The following PRORP variants were observed in gnomAD, a reference collection of about 807,000 sequenced individuals.
PRORP encodes the protein mitochondrial ribonuclease P catalytic subunit.
Under a neutral mutation model 59.4 loss-of-function variants are expected in PRORP, and 51 were observed. The observed-to-expected ratio is 0.86, with a 90% CI of 0.69 to 1.08. The LOEUF (loss-of-function observed/expected upper bound fraction) is 1.08, where lower values mean the gene tolerates loss of function less well. Ranked by LOEUF, PRORP falls within the 50% of genes least tolerant of loss-of-function variation. The pLI is 0.00. For missense variants in PRORP, 646 were observed against 690.3 expected (o/e 0.94, Z 0.72); for synonymous variants, 231 against 245.6 (o/e 0.94, Z 0.55).
intron 5 of PRORP, among the ~76,000 whole-genome samples, chr14:35,241,397 G>T (rs1304693173): frequency 2.0e-5 from 3 of 151,774 alleles, no homozygotes; most frequent in African/African-American, 7.3e-5. Flanking sequence ...AAAAGTATAC[G>T]AGGATGGCAA....
chr14:35,262,665 G>A (rs905074336), intron 5 of PRORP: 62 of 776,662 alleles, frequency 8.0e-5, no homozygotes, highest in Middle Eastern at 7.0e-4. Context: ...ACTGGCTGCC[G>A]TTCAGACTAT....
chr14:35,157,616 CT>C (rs1429298695), intron 4 of PRORP, among the ~76,000 whole-genome samples: 1 of 152,094 alleles, frequency 6.6e-6, no homozygotes, highest in Non-Finnish European at 1.5e-5. Context: ...TCTCGAACTC[CT>C]GACCTCAAGT....
intron 5 of PRORP, chr14:35,262,383 C>A: frequency 3.6e-6 from 1 of 278,906 alleles, no homozygotes. Context: ...TATTACTAGC[C>A]CAACTTTTAA....
intron 4 of PRORP, among the ~76,000 whole-genome samples, chr14:35,148,283 A>G (rs1455333153): frequency 6.6e-6 from 1 of 152,164 alleles, no homozygotes; most frequent in Non-Finnish European, 1.5e-5. Context: ...AGTCGAATTT[A>G]CTCTTTTATC....
rs548263555 is a variant in PRORP, at chr14:35,271,322, C to G, written c.1620+726C>G. 1.7e-3 allele frequency among the ~76,000 whole-genome samples: 259 copies of G among 151,706 alleles called. 1 individual carries two copies. Among genetic ancestry groups the G allele is most frequent in the Non-Finnish European group, 1.7e-3 (114 of 67,912 alleles). ...TATGGGCACATGCCACCACGCCGAGCTAATTTTTGTATTTTTAGTAGAGGT... is the reference window on the plus strand; with the variant it reads ...TATGGGCACATGCCACCACGCCGAGGTAATTTTTGTATTTTTAGTAGAGGT... On this transcript the variant is annotated intron_variant, in intron 7 of 7. Transcript: ENST00000534898.
At chr14:35,189,195 G>A (rs947705307) in intron 5 of PRORP, among the ~76,000 whole-genome samples, 1 of 151,976 alleles carries the variant, frequency 6.6e-6, no homozygotes, top group African/African-American at 2.4e-5. Context: ...TACTTTTCTT[G>A]TAGATGTTTT....
intron 5 of PRORP, among the ~76,000 whole-genome samples, chr14:35,198,788 C>A (rs2049069165): frequency 1.3e-5 from 2 of 152,172 alleles, no homozygotes; most frequent in South Asian, 4.1e-4. Flanking sequence ...AATCCCAGCA[C>A]TTTGGGAGGC....
At chr14:35,226,003 C>T (rs2049925113) in intron 5 of PRORP, among the ~76,000 whole-genome samples, 1 of 152,176 alleles carries the variant, frequency 6.6e-6, no homozygotes, top group Admixed American at 6.5e-5. Context: ...TTCTGGTGAC[C>T]TAGTGATACC....
chr14:35,209,585 T>C (rs931684967), intron 5 of PRORP, among the ~76,000 whole-genome samples: 5 of 152,236 alleles, frequency 3.3e-5, no homozygotes, highest in African/African-American at 1.2e-4. Context: ...AGGGTCTCGC[T>C]CTGTTGCCCA....
At chr14:35,159,499 T>C (rs1449854671) in intron 4 of PRORP, among the ~76,000 whole-genome samples, 1 of 152,184 alleles carries the variant, frequency 6.6e-6, no homozygotes, top group Admixed American at 6.5e-5. Context: ...CTATACTATG[T>C]GTTCTTTTTT....
At chr14:35,197,217 T>G (rs2139112440) in intron 5 of PRORP, among the ~76,000 whole-genome samples, 1 of 152,304 alleles carries the variant, frequency 6.6e-6, no homozygotes, top group Middle Eastern at 3.4e-3. Context: ...GTGGTGAGAT[T>G]GTCTCGTGAG....
chr14:35,155,298 T>C (rs1241234822), intron 4 of PRORP, among the ~76,000 whole-genome samples: 1 of 152,084 alleles, frequency 6.6e-6, no homozygotes, highest in Non-Finnish European at 1.5e-5. Flanking sequence ...ATGGAATAGA[T>C]GGAGTTATAT....
chr14:35,152,686 C>T (rs1233851729), intron 4 of PRORP, among the ~76,000 whole-genome samples: 4 of 151,210 alleles, frequency 2.6e-5, no homozygotes, highest in Non-Finnish European at 4.4e-5. Flanking sequence ...GGGCGGCTGC[C>T]GGGCGGAGGG....
intron 5 of PRORP, 77 bp downstream of exon 5, chr14:35,180,854 C>T: frequency 1.1e-6 from 1 of 906,750 alleles, no homozygotes; most frequent in Non-Finnish European, 1.7e-6. Flanking sequence ...TCTTGGGGCT[C>T]TTAGCTCCTC....
intron 5 of PRORP, among the ~76,000 whole-genome samples, chr14:35,181,532 C>G (rs141043977): frequency 1.7e-3 from 256 of 151,890 alleles, no homozygotes; most frequent in Non-Finnish European, 3.1e-3. Flanking sequence ...GCCTGTAATC[C>G]CCAGCACTTT....
At chr14:35,158,569 A>T (rs543076913) in intron 4 of PRORP, 16 of 262,138 alleles carry the variant, frequency 6.1e-5, no homozygotes, top group Non-Finnish European at 9.6e-5. Context: ...TATCTGGTTT[A>T]ATTCCATGTC....
At chr14:35,149,466 G>A (rs1595190875) in intron 4 of PRORP, among the ~76,000 whole-genome samples, 1 of 152,134 alleles carries the variant, frequency 6.6e-6, no homozygotes, top group Non-Finnish European at 1.5e-5. Flanking sequence ...TCTTGCTTCA[G>A]CCTCCCAAAG....
intron 4 of PRORP, chr14:35,158,100 C>CTTT: frequency 4.1e-6 from 1 of 244,616 alleles, no homozygotes. Context: ...AGTTTTTGAA[C>CTTT]TTTTTTTTTT....
At chr14:35,272,744 T>C (rs541420435) in intron 7 of PRORP, among the ~76,000 whole-genome samples, 18 of 152,312 alleles carry the variant, frequency 1.2e-4, no homozygotes, top group African/African-American at 4.3e-4. Flanking sequence ...GAGTTCATTA[T>C]AGCATTTCTC....
Sources: allele counts gnomAD v4.1 joint callset (sites outside exome capture counted in the v4.1 genomes callset), GRCh38; gene constraint gnomAD v4.1.1; transcripts MANE v1.5; gene names NCBI Gene and HGNC (gene_info 2026-07-23, HGNC 2026-07-21).